Variants in LOXL3 observed in about 807,000 individuals in gnomAD.
The protein encoded by LOXL3 is lysyl oxidase like 3.
In LOXL3, 60 loss-of-function variants were observed where a neutral mutation model predicts 91.8. That is an observed-to-expected ratio of 0.65 (90% CI 0.53 to 0.81). The LOEUF (loss-of-function observed/expected upper bound fraction) is 0.81. Ranked by LOEUF, LOXL3 falls within the 30% of genes least tolerant of loss-of-function variation. LOXL3 has a pLI of 0.00. For synonymous variants in LOXL3, 355 were observed against 387.6 expected (o/e 0.92, Z 0.99); for missense variants, 874 against 1,000.4 (o/e 0.87, Z 1.70).
At chr2:74,544,062 G>A (rs1676474844) in intron 4 of LOXL3, among the ~76,000 whole-genome samples, 3 of 152,064 alleles carry the variant, frequency 2.0e-5, no homozygotes, top group Non-Finnish European at 2.9e-5. Context: ...CCAGCACTTT[G>A]GGAGGCCGAG....
intron 4 of LOXL3, among the ~76,000 whole-genome samples, chr2:74,541,595 A>G (rs1038332604): frequency 2.6e-5 from 4 of 152,160 alleles, no homozygotes; most frequent in East Asian, 1.9e-4. Context: ...TCTTTTTCTC[A>G]AACATGTCTA....
At chr2:74,534,482 C>T in intron 10 of LOXL3, 49 bp downstream of exon 10, 3 of 1,613,488 alleles carry the variant, frequency 1.9e-6, no homozygotes, top group African/African-American at 1.3e-5. Context: ...AGAAGGTTTG[C>T]CCCATCCCCC....
In LOXL3 at chr2:74,536,281, G is replaced by A; in HGVS notation, c.1093+10C>T. On this transcript the variant is annotated intron_variant, in intron 6 of 13. Transcript: ENST00000264094. This position sits in a 1 kb window ranked among gnomAD's most constrained non-coding sequence, Gnocchi z 4.5. ...CCTTCCCTCTCCCTCCCACCTCCAT[G>A]CCACCTCACCCTGCCCCATGCGAGC... 1 of 1,613,136 alleles carries A rather than the reference G, an allele frequency of 6.2e-7. No individual in the cohort carries two copies. Among genetic ancestry groups the A allele is most frequent in the Non-Finnish European group, 8.5e-7 (1 of 1,179,764 alleles).
rs182047164 is a variant in LOXL3 at position 74,536,220 on chromosome 2, C to T, written c.1094-70G>A. ...ATTGTCTGCCCAGGGGACACCTAAC[C>T]TTCCGAAGGAATATGCCCCCCAGGA... On this transcript the variant is annotated intron_variant, in intron 6 of 13. Coordinates refer to ENST00000264094, the MANE Select transcript of LOXL3 (RefSeq NM_032603.5). The surrounding 1 kb of genome is among the most constrained non-coding windows in gnomAD (Gnocchi z 4.5). 1.4e-4 allele frequency: 221 copies of T among 1,611,972 alleles called. 2 individuals carry two copies. In the African/African-American group the frequency reaches 2.7e-3, roughly 20 times the overall value.
chr2:74,555,311 TG>T, upstream of LOXL3: 1 of 1,614,080 alleles, frequency 6.2e-7, no homozygotes, highest in Non-Finnish European at 8.5e-7. This position sits in a 1 kb window ranked among gnomAD's most constrained non-coding sequence, Gnocchi z 6.1. Context: ...TGTGTGAGTG[TG>T]GCCCCCGTCA....
At chr2:74,555,008 T>C, upstream of LOXL3, 1 of 1,364,258 alleles carries the variant, frequency 7.3e-7, no homozygotes, top group Non-Finnish European at 1.0e-6. This position sits in a 1 kb window ranked among gnomAD's most constrained non-coding sequence, Gnocchi z 6.1. Flanking sequence ...GGAGACGGAG[T>C]GGCATCGTCC....
chr2:74,550,292 A>T lies in LOXL3; in HGVS notation c.370T>A (p.Cys124Ser). 2 of 1,614,102 alleles carry T rather than the reference A, an allele frequency of 1.2e-6. No individual in the cohort carries two copies. Among genetic ancestry groups the T allele is most frequent in the Non-Finnish European group, 1.7e-6 (2 of 1,179,974 alleles). The change falls in exon 3 of 14, where the codon TGT (cysteine) becomes AGT (serine). Residue 124 changes from cysteine (C) to serine (S), a missense_variant. Coordinates refer to ENST00000264094, the MANE Select transcript of LOXL3 (RefSeq NM_032603.5). ...CSGTEQSVTE[C>S]ASRGWGNSDC... Reference sequence around the variant, plus strand: ...CTGTTCCCCCAGCCCCGGGAGGCACATTCAGTCACACTCTGCTCGGTCCCA... The same window carrying T: ...CTGTTCCCCCAGCCCCGGGAGGCACTTTCAGTCACACTCTGCTCGGTCCCA...
At position 74,534,258 on chromosome 2, in the gene LOXL3, A is replaced by G. The variant is rs765432167; in HGVS notation, c.1940-22T>C. 5 of 1,614,174 alleles carry G rather than the reference A, an allele frequency of 3.1e-6. No individual in the cohort carries two copies. The East Asian group carries it at 1.1e-4, about 36-fold the overall frequency. ...ACATCTGGAGGGATTGGCATATGTCAGTGTAAGGAAAGGCTGTGCAATGGA... is the reference window on the plus strand; with the variant it reads ...ACATCTGGAGGGATTGGCATATGTCGGTGTAAGGAAAGGCTGTGCAATGGA... On this transcript the variant is annotated intron_variant, in intron 11 of 13. Transcript: ENST00000264094.
intron 4 of LOXL3, among the ~76,000 whole-genome samples, chr2:74,540,643 C>T (rs943387472): frequency 2.0e-5 from 3 of 151,350 alleles, no homozygotes; most frequent in African/African-American, 7.3e-5. Flanking sequence ...AACTTACTTC[C>T]AGGGAAATAA....
intron 4 of LOXL3, among the ~76,000 whole-genome samples, chr2:74,541,141 AT>A (rs1391558915): frequency 6.6e-6 from 1 of 152,272 alleles, no homozygotes; most frequent in African/African-American, 2.4e-5. Flanking sequence ...GCAATAAAAT[AT>A]AACAACTACT....
At chr2:74,540,487 G>A (rs1213758183) in intron 4 of LOXL3, among the ~76,000 whole-genome samples, 1 of 152,034 alleles carries the variant, frequency 6.6e-6, no homozygotes, top group African/African-American at 2.4e-5. Flanking sequence ...GCTGGACCAG[G>A]ACCAAGAACC....
rs746881352 is a variant in LOXL3 at position 74,532,659 on chromosome 2, G to A, written c.*947C>T. On this transcript the variant is annotated 3_prime_UTR_variant, in exon 14 of 14. Coordinates refer to ENST00000264094, the MANE Select transcript of LOXL3 (RefSeq NM_032603.5). ...ACAGCTTCGAGAACCAAGCTTTCCC[G>A]ATGTTCAGCATGGTGTACTCATCCA... 1.1e-5 allele frequency: 17 copies of A among 1,613,696 alleles called. 1 individual carries two copies. Among genetic ancestry groups the A allele is most frequent in the Admixed American group, 8.3e-5 (5 of 60,008 alleles).
chr2:74,536,413 T>C lies in LOXL3; in HGVS notation c.971A>G (p.Lys324Arg), dbSNP rs751469919. Residue 324 changes from lysine to arginine, a missense_variant, in exon 6 of 14, where the codon AAG becomes AGG. Lys to Arg is a conservative substitution (Grantham distance 26). Transcript: ENST00000264094. The surrounding 1 kb of genome is among the most constrained non-coding windows in gnomAD (Gnocchi z 4.5). ...HPGEGRVEVL[K>R]ASTWGTVCDR... ...ACAGACTGTGCCCCATGTGCTGGCC[T>C]TCAGGACTTCTACCCGGCCCTCTCC... 1 of 1,614,008 alleles carries C rather than the reference T, an allele frequency of 6.2e-7. No individual in the cohort carries two copies. The highest frequency in any genetic ancestry group is 8.5e-7 in the Non-Finnish European group (1 of 1,180,032).
At chr2:74,542,534 A>C (rs1464143847) in intron 4 of LOXL3, among the ~76,000 whole-genome samples, 1 of 151,678 alleles carries the variant, frequency 6.6e-6, no homozygotes, top group Non-Finnish European at 1.5e-5. Context: ...ACACACACAC[A>C]CACACACACC....
intron 9 of LOXL3, 35 bp from the exon 10 acceptor site, chr2:74,534,809 C>T (rs955055174): frequency 6.3e-7 from 1 of 1,596,388 alleles, no homozygotes; most frequent in Admixed American, 1.7e-5. Flanking sequence ...TTAGAAGTCA[C>T]TGCTGACTTC....
In LOXL3 at chr2:74,550,349, C is replaced by T; in HGVS notation, c.314-1G>A. ...CTCAAGTTGTCCAGCCAGATGCGGC[C>T]TGTGGAAGGGGAGATGAAGGGACAG... On this transcript the variant is annotated splice_acceptor_variant, in intron 2 of 13. Coordinates refer to ENST00000264094, the MANE Select transcript of LOXL3 (RefSeq NM_032603.5). LOFTEE classifies it high-confidence loss of function. 1 of 1,612,764 alleles carries T rather than the reference C, an allele frequency of 6.2e-7. No individual in the cohort carries two copies. Among genetic ancestry groups the T allele is most frequent in the Non-Finnish European group, 8.5e-7 (1 of 1,179,304 alleles).
intron 4 of LOXL3, among the ~76,000 whole-genome samples, chr2:74,537,652 G>A (rs1387565509): frequency 1.3e-5 from 2 of 152,174 alleles, no homozygotes; most frequent in African/African-American, 4.8e-5. Flanking sequence ...TGCTGTGTAA[G>A]TCTTTAAAAA....
upstream of LOXL3, chr2:74,554,755 A>G (rs577425194): frequency 6.2e-6 from 10 of 1,611,958 alleles, no homozygotes; most frequent in South Asian, 2.2e-5. This position sits in a 1 kb window ranked among gnomAD's most constrained non-coding sequence, Gnocchi z 4.9. Context: ...GCCGGGGGCC[A>G]TGGACGGAGC....
upstream of LOXL3, chr2:74,554,963 G>A (rs1677313559): frequency 1.4e-6 from 2 of 1,445,082 alleles, no homozygotes; most frequent in South Asian, 1.2e-5. This position sits in a 1 kb window ranked among gnomAD's most constrained non-coding sequence, Gnocchi z 4.9. Context: ...GCACACTCCC[G>A]GGAAGCGTCT....
Sources: gnomAD v4.1 joint callset for allele counts (sites outside exome capture counted in the v4.1 genomes callset) on GRCh38, gnomAD v4.1.1 for gene constraint, Gnocchi (gnomAD v3.1) non-coding constraint, MANE v1.5 for transcripts, NCBI Gene and HGNC (gene_info 2026-07-23, HGNC 2026-07-21) for gene names.